Variants in CNTN6 observed in about 807,000 individuals in gnomAD.
The protein encoded by CNTN6 is contactin-6.
In CNTN6, 137 loss-of-function variants were observed where a neutral mutation model predicts 122.8. The ratio of observed to expected loss-of-function variants is 1.12; its 90% confidence interval spans 0.97 to 1.29. CNTN6 has a LOEUF of 1.29. Among genes scored for constraint, CNTN6 ranks in the 50% most tolerant of loss-of-function variants. The pLI is 0.00. For missense variants in CNTN6, 1,634 were observed against 1,223.4 expected (o/e 1.34, Z -5.01); for synonymous variants, 570 against 426.0 (o/e 1.34, Z -4.16).
intron 20 of CNTN6, among the ~76,000 whole-genome samples, chr3:1,397,052 C>T (rs997428627): frequency 6.6e-6 from 1 of 152,138 alleles, no homozygotes; most frequent in East Asian, 1.9e-4. Flanking sequence ...GAGGTATTTT[C>T]TTTGTTTGTT....
At chr3:1,277,377 T>G (rs1221390597) in intron 4 of CNTN6, among the ~76,000 whole-genome samples, 2 of 64,834 alleles carry the variant, frequency 3.1e-5, no homozygotes, top group African/African-American at 1.2e-4. Flanking sequence ...TTTTTTTTTT[T>G]GAGACCGATT....
chr3:1,326,834 G>A (rs1406625565), intron 9 of CNTN6, among the ~76,000 whole-genome samples: 1 of 151,798 alleles, frequency 6.6e-6, no homozygotes, highest in African/African-American at 2.4e-5. Flanking sequence ...TTTCCCTAGA[G>A]GATGGTAATA....
At chr3:1,400,741 A>G (rs1018260311) in intron 20 of CNTN6, among the ~76,000 whole-genome samples, 12 of 152,112 alleles carry the variant, frequency 7.9e-5, no homozygotes, top group African/African-American at 2.9e-4. Context: ...AGGAGGTTTT[A>G]AGTTTCAGGT....
chr3:1,123,699 T>G (rs1483308229), intron 1 of CNTN6, among the ~76,000 whole-genome samples: 2 of 151,948 alleles, frequency 1.3e-5, no homozygotes, highest in Non-Finnish European at 2.9e-5. Context: ...CTACTTGCTC[T>G]GGTTAGAACT....
chr3:1,349,867 T>C (rs1705356548), intron 11 of CNTN6, among the ~76,000 whole-genome samples: 1 of 151,850 alleles, frequency 6.6e-6, no homozygotes, highest in Non-Finnish European at 1.5e-5. Flanking sequence ...AAGTGATACA[T>C]TCAAATATCT....
chr3:1,309,437 G>A (rs906847233), intron 7 of CNTN6, among the ~76,000 whole-genome samples: 1 of 152,150 alleles, frequency 6.6e-6, no homozygotes, highest in Non-Finnish European at 1.5e-5. Context: ...TATGCTGACT[G>A]TATTTGTATA....
chr3:1,342,937 G>T (rs924193075), intron 11 of CNTN6, among the ~76,000 whole-genome samples: 5 of 151,924 alleles, frequency 3.3e-5, no homozygotes, highest in African/African-American at 1.2e-4. Context: ...TATACTGACT[G>T]TGCCTGCCTC....
chr3:1,145,201 T>C (rs560758837), intron 1 of CNTN6, among the ~76,000 whole-genome samples: 35 of 152,328 alleles, frequency 2.3e-4, no homozygotes, highest in Admixed American at 2.2e-3. Flanking sequence ...AACGGGTTTA[T>C]TATCTCTTGA....
chr3:1,222,429 T>A (rs953435187), intron 3 of CNTN6, among the ~76,000 whole-genome samples: 5 of 152,140 alleles, frequency 3.3e-5, no homozygotes, highest in African/African-American at 1.2e-4. Context: ...CCTATAACAT[T>A]TTTTGAAAGT....
At chr3:1,206,986 CTTTG>C (rs939033972) in intron 2 of CNTN6, among the ~76,000 whole-genome samples, 11 of 152,144 alleles carry the variant, frequency 7.2e-5, no homozygotes, top group Middle Eastern at 3.4e-3. Flanking sequence ...GGTTTGGGGT[CTTTG>C]TTTGTTTGTT....
chr3:1,236,735 C>T (rs755922469), intron 4 of CNTN6, among the ~76,000 whole-genome samples: 3 of 152,162 alleles, frequency 2.0e-5, no homozygotes, highest in South Asian at 2.1e-4. Flanking sequence ...CAAGATGAAA[C>T]TTCTGAATTG....
chr3:1,251,617 T>G (rs1349452342), intron 4 of CNTN6, among the ~76,000 whole-genome samples: 1 of 151,970 alleles, frequency 6.6e-6, no homozygotes, highest in Admixed American at 6.6e-5. Context: ...TGCTTTCACT[T>G]TCCAATTAAT....
At chr3:1,104,743 G>A (rs982952838) in intron 1 of CNTN6, among the ~76,000 whole-genome samples, 1 of 152,030 alleles carries the variant, frequency 6.6e-6, no homozygotes, top group African/African-American at 2.4e-5. Flanking sequence ...TCTTGTATAT[G>A]TGTGTACGTG....
intron 11 of CNTN6, among the ~76,000 whole-genome samples, chr3:1,340,595 CTG>C (rs1484686906): frequency 6.6e-6 from 1 of 152,106 alleles, no homozygotes; most frequent in Non-Finnish European, 1.5e-5. Flanking sequence ...AGGTATAAGA[CTG>C]TGTATTATAA....
chr3:1,337,622 G>A (rs1041144333), intron 11 of CNTN6, among the ~76,000 whole-genome samples: 1 of 152,066 alleles, frequency 6.6e-6, no homozygotes, highest in Non-Finnish European at 1.5e-5. Flanking sequence ...ACAGGCAAAT[G>A]AACCATATGT....
intron 1 of CNTN6, among the ~76,000 whole-genome samples, chr3:1,119,192 G>GT (rs796803601): frequency 0.014 from 1,963 of 144,792 alleles, 43 homozygotes; most frequent in African/African-American, 0.043. Context: ...GTGATTTCAG[G>GT]TTTTTTTTTT....
chr3:1,372,262 T>G (rs555898056), intron 12 of CNTN6, 37 bp from the exon 13 acceptor site: 31 of 1,525,300 alleles, frequency 2.0e-5, no homozygotes, highest in Non-Finnish European at 2.2e-5. Flanking sequence ...AGGCTAGCAT[T>G]TCATAAGCTT....
intron 4 of CNTN6, among the ~76,000 whole-genome samples, chr3:1,251,581 C>T (rs1301468100): frequency 6.6e-6 from 1 of 152,108 alleles, no homozygotes; most frequent in Non-Finnish European, 1.5e-5. Context: ...AAATTTTAAT[C>T]TAGTGAAAAA....
intron 7 of CNTN6, among the ~76,000 whole-genome samples, chr3:1,319,875 A>AAATAAAAT (rs1348736319): frequency 2.0e-5 from 3 of 150,894 alleles, no homozygotes; most frequent in South Asian, 4.1e-4. Context: ...AAATAAAATA[A>AAATAAAAT]AAGACATTTA....
Sources: gnomAD v4.1 joint callset for allele counts (sites outside exome capture counted in the v4.1 genomes callset) on GRCh38, gnomAD v4.1.1 for gene constraint, MANE v1.5 for transcripts, NCBI Gene and HGNC (gene_info 2026-07-23, HGNC 2026-07-21) for gene names.